DPP9: variants seen among roughly 807,000 people sequenced by gnomAD.
DPP9 encodes dipeptidyl peptidase 9.
Under a neutral mutation model 110.7 loss-of-function variants are expected in DPP9, and 50 were observed. The observed-to-expected ratio is 0.45, with a 90% confidence interval of 0.36 to 0.57. DPP9 has a LOEUF of 0.57. Ranked by LOEUF, DPP9 falls within the 20% of genes least tolerant of loss-of-function variation. The probability of loss-of-function intolerance (pLI) is 0.00; values close to 1 mark genes in which losing one functional copy is unlikely to be tolerated. For missense variants in DPP9, 1,022 were observed against 1,217.9 expected, an observed-to-expected ratio of 0.84 and a Z score of 2.39; for synonymous variants, 561 against 514.4, an observed-to-expected ratio of 1.09 and a Z score of -1.23.
intron 1 of DPP9, among the ~76,000 whole-genome samples, chr19:4,722,941 T>C (rs2093385200): frequency 6.6e-6 from 1 of 152,060 alleles, no homozygotes. Context: ...AGAGGCAGCG[T>C]GAACAGGGAA....
Position 4,714,249 on chromosome 19 carries a change from G to A in DPP9, c.145C>T (p.Pro49Ser), listed in dbSNP as rs748565435. The change falls in exon 4 of 22, where the codon CCG (proline) becomes TCG (serine). Residue 49 changes from proline to serine, a missense_variant. This residue lies in a region of DPP9 where 810 missense variants were observed against 920.6 expected (regional missense o/e 0.88). Transcript: ENST00000262960. Reference protein sequence around the residue: ...DRGDAAATDDPAARFQVQKHS... With the variant: ...DRGDAAATDDSAARFQVQKHS... ...TTCTGCACCTGGAAGCGGGCGGCCG[G>A]GTCATCTGTGGCGGCTGCGTCGCCT... 3.8e-6 allele frequency: 6 copies of A among 1,587,522 alleles called. No homozygotes were observed. The highest frequency in any genetic ancestry group is 4.3e-6 in the Non-Finnish European group (5 of 1,168,084).
At chr19:4,679,623 C>A in intron 21 of DPP9, 1 of 559,174 alleles carries the variant, frequency 1.8e-6, no homozygotes, top group Non-Finnish European at 3.2e-6. Context: ...CGAAGGCAGG[C>A]GGAACCCTGA....
Position 4,685,945 on chromosome 19 carries a change from G to T in DPP9, c.1886-174C>A. On this transcript the variant is annotated intron_variant, in intron 16 of 21. Coordinates refer to ENST00000262960, the MANE Select transcript of DPP9 (RefSeq NM_139159.5). This position sits in a 1 kb window ranked among gnomAD's most constrained non-coding sequence, Gnocchi z 5.8. ...GTTTTTTTTTCATTAAATAAGATTT[G>T]TACAGTTTTTGTAGAGATGGGGTCT... 1 of 709,796 alleles carries T rather than the reference G, an allele frequency of 1.4e-6. No homozygotes were observed. The highest frequency in any genetic ancestry group is 2.2e-6 in the Non-Finnish European group (1 of 448,656). The allele number at this position is 709,796 out of a possible 1,614,324, so 44.0% of individuals were successfully genotyped here.
chr19:4,704,071 C>G lies in DPP9; in HGVS notation c.601-17G>C. On this transcript the variant is annotated splice_polypyrimidine_tract_variant and intron_variant, in intron 6 of 21. Transcript: ENST00000262960. The surrounding 1 kb of genome is among the most constrained non-coding windows in gnomAD (Gnocchi z 6.0). The stretch of plus-strand genomic sequence containing the variant: ...AGGGGACACCTGAGGACAGAGACGC[C>G]CAGCTCAGGGGGAGGGGCCCTCCAC... 1 of 1,613,766 alleles carries G rather than the reference C, an allele frequency of 6.2e-7. No homozygotes were observed. Among genetic ancestry groups the G allele is most frequent in the Non-Finnish European group, 8.5e-7 (1 of 1,179,740 alleles).
Position 4,704,249 on chromosome 19 carries a change from T to G in DPP9, c.482A>C (p.Lys161Thr), listed in dbSNP as rs2145757870. The G allele has an allele frequency of 6.2e-7, 1 of 1,613,884 alleles. No individual in the cohort carries two copies. Among genetic ancestry groups the G allele is most frequent in the Non-Finnish European group, 8.5e-7 (1 of 1,179,866 alleles). Reference sequence around the variant, plus strand: ...GGTGATGCCGAAGACCCCCAGGCGTTTCCGCTCCCTCAGCAGCTCCTCCTC... The same window carrying G: ...GGTGATGCCGAAGACCCCCAGGCGTGTCCGCTCCCTCAGCAGCTCCTCCTC... The part of the protein sequence containing the change: ...SREEELLRER[K>T]RLGVFGITSY... Residue 161 changes from lysine (K) to threonine (T), a missense_variant, in exon 6 of 22, where the codon AAA becomes ACA. Physicochemically the swap from Lys to Thr is moderately conservative, Grantham distance 78. Transcript: ENST00000262960. This position sits in a 1 kb window ranked among gnomAD's most constrained non-coding sequence, Gnocchi z 6.0.
At chr19:4,691,487 A>C (rs918539757) in intron 13 of DPP9, among the ~76,000 whole-genome samples, 3 of 150,884 alleles carry the variant, frequency 2.0e-5, no homozygotes, top group African/African-American at 7.3e-5. Context: ...AAAAAAAAAC[A>C]AAAAACAAAA....
Position 4,694,433 on chromosome 19 carries a change from A to C in DPP9, c.1516+228T>G, listed in dbSNP as rs2091609835. The C allele has an allele frequency of 3.3e-6, 2 of 604,436 alleles. No individual in the cohort carries two copies. Among genetic ancestry groups the C allele is most frequent in the Admixed American group, 6.1e-5 (2 of 32,694 alleles). The allele number at this position is 604,436 out of a possible 1,614,324, so 37.4% of individuals were successfully genotyped here. A position where few individuals can be genotyped will look rare whatever the true frequency, so the allele number is the denominator to read the frequency against. On this transcript the variant is annotated intron_variant, in intron 13 of 21. Coordinates refer to ENST00000262960, the MANE Select transcript of DPP9 (RefSeq NM_139159.5). This position sits in a 1 kb window ranked among gnomAD's most constrained non-coding sequence, Gnocchi z 4.0. ...CCCCTGGTTGTGCTAAGGGCCTGGC[A>C]CAGGGGAGGTGCTCAGTAAATCTGC... is the stretch of plus-strand genomic sequence containing the variant.
Position 4,714,074 on chromosome 19 carries a change from G to C in DPP9, c.313+7C>G. On this transcript the variant is annotated splice_region_variant and intron_variant, in intron 4 of 21. Coordinates refer to ENST00000262960, the MANE Select transcript of DPP9 (RefSeq NM_139159.5). ...CCCGCCCAAGCAGCCTGCAGGGCCC[G>C]GCTTACCCAGGTAGTAGAGGCGGTG... 1.9e-6 allele frequency: 3 copies of C among 1,607,288 alleles called. No individual in the cohort carries two copies. The highest frequency in any genetic ancestry group is 2.6e-6 in the Non-Finnish European group (3 of 1,176,188).
At chr19:4,697,728 G>A in intron 10 of DPP9, 77 bp from the exon 11 acceptor site, 1 of 1,112,038 alleles carries the variant, frequency 9.0e-7, no homozygotes, top group Non-Finnish European at 1.3e-6. Flanking sequence ...ACTGCGCTGG[G>A]TCCCATCATG....
Position 4,694,471 on chromosome 19 carries a change from C to A in DPP9, c.1516+190G>T. The A allele has an allele frequency of 1.4e-6, 1 of 711,394 alleles. No individual in the cohort carries two copies. The highest frequency in any genetic ancestry group is 2.8e-5 in the East Asian group (1 of 36,108). The allele number at this position is 711,394 out of a possible 1,614,324, so 44.1% of individuals were successfully genotyped here. ...TCAGTAAATCTGCTGCCTGAATAAG[C>A]CAACAGTTGGGTGCTCTAAGCCCTG... On this transcript the variant is annotated intron_variant, in intron 13 of 21. Coordinates refer to ENST00000262960, the MANE Select transcript of DPP9 (RefSeq NM_139159.5). The surrounding 1 kb of genome is among the most constrained non-coding windows in gnomAD (Gnocchi z 4.0).
At chr19:4,677,750 CAT>C (rs2089085808) in intron 21 of DPP9, among the ~76,000 whole-genome samples, 1 of 152,214 alleles carries the variant, frequency 6.6e-6, no homozygotes, top group Admixed American at 6.5e-5. Context: ...GCCATATGCA[CAT>C]GTTGTGCCCA....
chr19:4,718,410 G>A lies in DPP9; in HGVS notation c.56+1441C>T, dbSNP rs907977468. Among the ~76,000 whole-genome samples, 3 of 152,346 alleles carry A rather than the reference G, an allele frequency of 2.0e-5. No individual in the cohort carries two copies. The highest frequency in any genetic ancestry group is 1.9e-4 in the East Asian group (1 of 5,180). On this transcript the variant is annotated intron_variant, in intron 3 of 21. Transcript: ENST00000262960. The surrounding 1 kb of genome is among the most constrained non-coding windows in gnomAD (Gnocchi z 4.3). ...AGAAAGGTGGGAGCCCCTGGCTGGC[G>A]TGGGGCAAGGGGCGTATGGGGGTGG... is the stretch of plus-strand genomic sequence containing the variant.
Position 4,684,098 on chromosome 19 carries a change from C to A in DPP9, c.2179-469G>T, listed in dbSNP as rs1377381869. The stretch of plus-strand genomic sequence containing the variant: ...GTCCGTGCTGAGATCACTACTGCGG[C>A]CTTCAAGCGACTGATCCATGGGGCC... On this transcript the variant is annotated intron_variant, in intron 18 of 21. Coordinates refer to ENST00000262960, the MANE Select transcript of DPP9 (RefSeq NM_139159.5). This position sits in a 1 kb window ranked among gnomAD's most constrained non-coding sequence, Gnocchi z 4.8. 3.0e-5 allele frequency: 10 copies of A among 330,744 alleles called. No homozygotes were observed. Among genetic ancestry groups the A allele is most frequent in the South Asian group, 2.5e-4 (10 of 39,936 alleles). The allele number at this position is 330,744 out of a possible 1,614,324, so 20.5% of individuals were successfully genotyped here. A position where few individuals can be genotyped will look rare whatever the true frequency, so the allele number is the denominator to read the frequency against.
intron 2 of DPP9, among the ~76,000 whole-genome samples, chr19:4,722,034 T>C (rs2093346854): frequency 6.6e-6 from 1 of 152,124 alleles, no homozygotes; most frequent in African/African-American, 2.4e-5. Flanking sequence ...ACCAAGGGAA[T>C]TGAATGAGAC....
chr19:4,712,654 C>T lies in DPP9; in HGVS notation c.313+1427G>A, dbSNP rs578164650. Among the ~76,000 whole-genome samples, 27 of 152,266 alleles carry T rather than the reference C, an allele frequency of 1.8e-4. No homozygotes were observed. In the South Asian group the frequency reaches 5.6e-3, roughly 32 times the overall value. On this transcript the variant is annotated intron_variant, in intron 4 of 21. Coordinates refer to ENST00000262960, the MANE Select transcript of DPP9 (RefSeq NM_139159.5). ...CTCTCCTGCTGTAGCTTGAGAACAG[C>T]CAAAGATGTCAGGAAAGTAACAGGG...
intron 3 of DPP9, 59 bp from the exon 4 acceptor site, chr19:4,714,396 C>A: frequency 2.1e-6 from 3 of 1,442,942 alleles, no homozygotes; most frequent in Non-Finnish European, 2.7e-6. Context: ...CGAGCTGCCC[C>A]AATGCTGCCC....
Position 4,694,930 on chromosome 19 carries a change from T to C in DPP9, c.1354-107A>G. The C allele has an allele frequency of 2.6e-6, 3 of 1,138,258 alleles. No homozygotes were observed. The highest frequency in any genetic ancestry group is 3.8e-6 in the Non-Finnish European group (3 of 797,232). 70.5% of individuals were successfully genotyped at this position (1,138,258 alleles called of 1,614,324 possible). A position where few individuals can be genotyped will look rare whatever the true frequency, so the allele number is the denominator to read the frequency against. On this transcript the variant is annotated intron_variant, in intron 12 of 21. Transcript: ENST00000262960. The surrounding 1 kb of genome is among the most constrained non-coding windows in gnomAD (Gnocchi z 4.0). ...TGGGAGGCTGGGGCAGGAGACTTGC[T>C]TGAGCCCAGGAATTTCAGAGACCAG...
rs1172629355 is a variant in DPP9 at position 4,693,598 on chromosome 19, C to G, written c.1516+1063G>C. 6.6e-6 allele frequency among the ~76,000 whole-genome samples: 1 copy of G among 152,108 alleles called. No homozygotes were observed. The highest frequency in any genetic ancestry group is 1.9e-4 in the East Asian group (1 of 5,186). On this transcript the variant is annotated intron_variant, in intron 13 of 21. Transcript: ENST00000262960. The surrounding 1 kb of genome is among the most constrained non-coding windows in gnomAD (Gnocchi z 5.0). ...CTGCAAACGGTGTGGGCTCAGCTGT[C>G]CAAGCACATCCAGAATCAGACCCAC... is the stretch of plus-strand genomic sequence containing the variant.
chr19:4,714,686 T>G (rs2092992731), intron 3 of DPP9, among the ~76,000 whole-genome samples: 1 of 151,868 alleles, frequency 6.6e-6, no homozygotes, highest in African/African-American at 2.4e-5. Flanking sequence ...GCCACCATGC[T>G]TGGCTTTGGC....
Sources: gnomAD v4.1 joint callset for allele counts (sites outside exome capture counted in the v4.1 genomes callset) on GRCh38, gnomAD v4.1.1 for gene constraint, gnomAD v4.1.1 regional missense constraint, Gnocchi (gnomAD v3.1) non-coding constraint, MANE v1.5 for transcripts, NCBI Gene and HGNC (gene_info 2026-07-23, HGNC 2026-07-21) for gene names.